Variants in ASTE1 observed in about 807,000 individuals in gnomAD.
ASTE1 encodes the protein asteroid structure-specific endonuclease 1, also known as single-strand DNA endonuclease ASTE1.
A neutral mutation model predicts 45.8 loss-of-function variants in ASTE1; 49 were observed. The ratio of observed to expected loss-of-function variants is 1.07; its 90% confidence interval spans 0.85 to 1.36. ASTE1 has a LOEUF of 1.36. ASTE1 is among the 40% of genes most tolerant of loss of function. The pLI is 0.00. For synonymous variants in ASTE1, 296 were observed against 303.9 expected, an observed-to-expected ratio of 0.97 and a Z score of 0.27; for missense variants, 709 against 804.0, an observed-to-expected ratio of 0.88 and a Z score of 1.43.
rs2063830145 is a variant in ASTE1, at chr3:131,025,527, T to C, written c.-79A>G. ...TTTTTCATTCTCCTTTGCTTTCTGATACAAGGCACAAATTCAATGGTTTCA... is the reference window on the plus strand; with the variant it reads ...TTTTTCATTCTCCTTTGCTTTCTGACACAAGGCACAAATTCAATGGTTTCA... On this transcript the variant is annotated 5_prime_UTR_variant, in exon 2 of 6. Coordinates refer to ENST00000264992, the MANE Select transcript of ASTE1 (RefSeq NM_014065.4). 1 of 692,546 alleles carries C rather than the reference T, an allele frequency of 1.4e-6. No homozygotes were observed. Among genetic ancestry groups the C allele is most frequent in the Non-Finnish European group, 2.2e-6 (1 of 459,860 alleles). 42.9% of individuals were successfully genotyped at this position (692,546 alleles called of 1,614,324 possible). A position where few individuals can be genotyped will look rare whatever the true frequency, so the allele number is the denominator to read the frequency against.
rs112584120 is a variant in ASTE1, at chr3:131,016,220, A to G, written c.1633T>C (p.Trp545Arg). The change falls in exon 5 of 6, where the codon TGG becomes CGG. Residue 545 changes from tryptophan (W) to arginine (R), a missense_variant. Physicochemically the swap from Trp to Arg is moderately radical, Grantham distance 101. Coordinates refer to ENST00000264992, the MANE Select transcript of ASTE1 (RefSeq NM_014065.4). Reference sequence around the variant, plus strand: ...ATCCCCATCTGGAGACAGGACTGCCACTGACAGAAGATGTGAGCTGTGTCT... The same window carrying G: ...ATCCCCATCTGGAGACAGGACTGCCGCTGACAGAAGATGTGAGCTGTGTCT... ...DLDTAHIFCQWQSCLQMGMYL... is the reference protein window; with the variant it reads ...DLDTAHIFCQRQSCLQMGMYL... 1.9e-6 allele frequency: 3 copies of G among 1,614,060 alleles called. No individual in the cohort carries two copies. The African/African-American group carries it at 4.0e-5, about 22-fold the overall frequency.
Position 131,016,348 on chromosome 3 carries a change from A to G in ASTE1, c.1514-9T>C, listed in dbSNP as rs771659407. The G allele has an allele frequency of 6.2e-7, 1 of 1,614,184 alleles. No homozygotes were observed. The highest frequency in any genetic ancestry group is 8.5e-7 in the Non-Finnish European group (1 of 1,180,000). ...CTGCAGCTCTTCCTTACCTAAATAA[A>G]GAAACAGCCCAAGGGCAGTATTTCT... On this transcript the variant is annotated splice_polypyrimidine_tract_variant and intron_variant, in intron 4 of 5. Transcript: ENST00000264992.
Position 131,025,064 on chromosome 3 carries a change from T to C in ASTE1, c.243A>G (p.Gly81=). The C allele has an allele frequency of 6.2e-7, 1 of 1,609,554 alleles. No individual in the cohort carries two copies. The change falls in exon 3 of 6, where the codon GGA becomes GGG. Residue 81 remains glycine (G), a synonymous_variant. Coordinates refer to ENST00000264992, the MANE Select transcript of ASTE1 (RefSeq NM_014065.4). ...TAAGCTTTTTATCTGAAATGTCACATCCTCCATCTAATACAACATATGGGC... is the reference window on the plus strand; with the variant it reads ...TAAGCTTTTTATCTGAAATGTCACACCCTCCATCTAATACAACATATGGGC... ...NICPYVVLDG[G]CDISDKKLTT...
chr3:131,018,048 A>G (rs1180960186), intron 4 of ASTE1, among the ~76,000 whole-genome samples: 3 of 151,936 alleles, frequency 2.0e-5, no homozygotes, highest in Non-Finnish European at 4.4e-5. Flanking sequence ...TGAAACCTAC[A>G]GCAGAGAAAA....
At position 131,016,163 on chromosome 3, in the gene ASTE1, G is replaced by A; in HGVS notation, c.1690C>T (p.Pro564Ser). Residue 564 changes from proline to serine, a missense_variant, in exon 5 of 6, where the codon CCA becomes TCA. Coordinates refer to ENST00000264992, the MANE Select transcript of ASTE1 (RefSeq NM_014065.4). ...YLNQLLSTPL[P>S]EPDLTRLYSG... ...GCTTACCGAGTTAGGTCTGGCTCTGGGAGAGGAGTGGACAGCAGCTGGTTG... is the reference window on the plus strand; with the variant it reads ...GCTTACCGAGTTAGGTCTGGCTCTGAGAGAGGAGTGGACAGCAGCTGGTTG... 1.9e-6 allele frequency: 3 copies of A among 1,613,980 alleles called. No homozygotes were observed. In the South Asian group the frequency reaches 3.3e-5, roughly 18 times the overall value.
At chr3:131,016,594 G>T (rs2063642386) in intron 4 of ASTE1, 1 of 495,454 alleles carries the variant, frequency 2.0e-6, no homozygotes, top group African/African-American at 1.9e-5. Flanking sequence ...TTTTCCACTG[G>T]TCTACTACCT....
At chr3:131,021,857 A>T (rs574375715) in intron 3 of ASTE1, among the ~76,000 whole-genome samples, 8 of 152,196 alleles carry the variant, frequency 5.3e-5, no homozygotes, top group South Asian at 2.1e-4. Flanking sequence ...CATTTTTTTT[A>T]AAAAACTCCC....
intron 5 of ASTE1, chr3:131,015,117 G>C (rs1196612181): frequency 3.1e-6 from 2 of 634,956 alleles, no homozygotes; most frequent in Non-Finnish European, 5.6e-6. Flanking sequence ...TCTTATTTGT[G>C]TTAGCTCAGA....
At chr3:131,025,353 A>T (rs375267360) in intron 2 of ASTE1, 22 bp from the exon 3 acceptor site, 32 of 1,561,618 alleles carry the variant, frequency 2.0e-5, no homozygotes, top group Non-Finnish European at 2.8e-5. Flanking sequence ...AACAGAAAAC[A>T]TTTTCAATTG....
At chr3:131,021,888 G>A (rs1313900209) in intron 3 of ASTE1, among the ~76,000 whole-genome samples, 2 of 152,092 alleles carry the variant, frequency 1.3e-5, no homozygotes, top group African/African-American at 4.8e-5. Context: ...ATTTATGCTT[G>A]AGTAGAAATG....
Position 131,024,890 on chromosome 3 carries a change from T to G in ASTE1, c.417A>C (p.Ser139=). 3.7e-6 allele frequency: 6 copies of G among 1,614,206 alleles called. No homozygotes were observed. Among genetic ancestry groups the G allele is most frequent in the Non-Finnish European group, 5.1e-6 (6 of 1,180,038 alleles). Residue 139 remains serine (S), a synonymous_variant, in exon 3 of 6, where the codon TCA becomes TCC. Coordinates refer to ENST00000264992, the MANE Select transcript of ASTE1 (RefSeq NM_014065.4). ...GTGTCATAATGTCCCGATCTGCTTC[T>G]GAAAAGCACTGGACAAAACACACCC... ...KLRVCFVQCF[S]EADRDIMTLA...
At position 131,024,087 on chromosome 3, in the gene ASTE1, C is replaced by T; in HGVS notation, c.1220G>A (p.Arg407Lys). Residue 407 changes from arginine (R) to lysine (K), a missense_variant, in exon 3 of 6, where the codon AGG (arginine) becomes AAG (lysine). Arg to Lys is a conservative substitution (Grantham distance 26). Transcript: ENST00000264992. The part of the protein sequence containing the change: ...PQPLAFSEVE[R>K]INKNIRTSII... ...TGAGGTTCTGATATTTTTATTAATC[C>T]TTTCCACTTCACTGAAAGCTAGAGG... The T allele has an allele frequency of 1.2e-6, 2 of 1,614,140 alleles. No individual in the cohort carries two copies. The highest frequency in any genetic ancestry group is 1.7e-6 in the Non-Finnish European group (2 of 1,180,000).
In ASTE1 at chr3:131,018,539, C is replaced by T. The variant is rs78238509; in HGVS notation, c.1480G>A (p.Val494Met). Residue 494 changes from valine (V) to methionine (M), a missense_variant, in exon 4 of 6, where the codon GTG becomes ATG. Transcript: ENST00000264992. ...HLQSLLLTML[V>M]GPLIAIINSP... The stretch of plus-strand genomic sequence containing the variant: ...TTGATTATGGCAATCAAGGGCCCCA[C>T]TAGCATTGTGAGCAGTAAGGATTGT... The T allele has an allele frequency of 2.9e-5, 47 of 1,614,024 alleles. No homozygotes were observed. In the African/African-American group the frequency reaches 6.1e-4, roughly 21 times the overall value.
chr3:131,018,311 G>T (rs1183986587), intron 4 of ASTE1, among the ~76,000 whole-genome samples, 195 bp downstream of exon 4: 1 of 152,196 alleles, frequency 6.6e-6, no homozygotes, highest in Non-Finnish European at 1.5e-5. Context: ...AAGCCCTCCA[G>T]CACTGAGCCT....
At chr3:131,017,158 CAG>C in intron 4 of ASTE1, 1 of 694,568 alleles carries the variant, frequency 1.4e-6, no homozygotes, top group Non-Finnish European at 2.1e-6. Context: ...ATTATTCAAT[CAG>C]AGGAAATACT....
At chr3:131,023,880 G>T in intron 3 of ASTE1, 125 bp downstream of exon 3, 1 of 982,396 alleles carries the variant, frequency 1.0e-6, no homozygotes, top group Non-Finnish European at 1.4e-6. Flanking sequence ...TCTTAGCTAC[G>T]ACATGAGGGC....
At position 131,014,401 on chromosome 3, in the gene ASTE1, GA is replaced by G. The variant is rs746783724; in HGVS notation, c.1710-15del. On this transcript the variant is annotated splice_polypyrimidine_tract_variant and intron_variant, in intron 5 of 5. Transcript: ENST00000264992. ...CCACTGTACAGTCTGTTCAAAGCAA[GA>G]AAAAAGTATGTTGTTAAAGAAGTAA... The G allele has an allele frequency of 6.5e-7, 1 of 1,544,968 alleles. No individual in the cohort carries two copies. The highest frequency in any genetic ancestry group is 1.3e-5 in the South Asian group (1 of 79,238).
At chr3:131,016,519 T>C in intron 4 of ASTE1, 180 bp from the exon 5 acceptor site, 1 of 702,976 alleles carries the variant, frequency 1.4e-6, no homozygotes. Flanking sequence ...TACTGAACTG[T>C]CTTTTTAATG....
In ASTE1 at chr3:131,014,253, G is replaced by A. The variant is rs767938968; in HGVS notation, c.1844C>T (p.Ala615Val). 1.2e-6 allele frequency: 2 copies of A among 1,613,742 alleles called. No individual in the cohort carries two copies. The highest frequency in any genetic ancestry group is 8.5e-7 in the Non-Finnish European group (1 of 1,179,934). Residue 615 changes from alanine (A) to valine (V), a missense_variant, in exon 6 of 6, where the codon GCC (alanine) becomes GTC (valine). By Grantham distance (64) the Ala-to-Val change is moderately conservative. Coordinates refer to ENST00000264992, the MANE Select transcript of ASTE1 (RefSeq NM_014065.4). The stretch of plus-strand genomic sequence containing the variant: ...TTTTGGTAGGAATATTTCAGCGGGG[G>A]CATATGACCTTGTGGCATTGAATAG... ...EYLFNATRSYAPAEIFLPKGR... is the reference protein window; with the variant it reads ...EYLFNATRSYVPAEIFLPKGR...
Sources: gnomAD v4.1 joint callset for allele counts (sites outside exome capture counted in the v4.1 genomes callset) on GRCh38, gnomAD v4.1.1 for gene constraint, MANE v1.5 for transcripts, NCBI Gene and HGNC (gene_info 2026-07-23, HGNC 2026-07-21) for gene names.